FLNC: variants seen among roughly 807,000 people sequenced by gnomAD.
The protein encoded by FLNC is filamin-C.
FLNC carries 91 observed loss-of-function variants against 254.3 expected under a neutral mutation model. That is an observed-to-expected ratio of 0.36 (90% CI 0.30 to 0.43). The LOEUF is 0.43. Among genes scored for constraint, FLNC ranks in the 20% least tolerant of loss-of-function variants. The pLI is 1.00. For missense variants in FLNC, 2,853 were observed against 3,802.6 expected (o/e 0.75, Z 6.57); for synonymous variants, 1,430 against 1,577.2 (o/e 0.91, Z 2.21).
chr7:128,851,700 CCAG>C, intron 35 of FLNC, 72 bp downstream of exon 35: 3 of 1,516,676 alleles, frequency 2.0e-6, no homozygotes, highest in Non-Finnish European at 2.7e-6. Context: ...ATGTGCAAGC[CCAG>C]CCCGTTCAAG....
intron 33 of FLNC, 127 bp downstream of exon 33, chr7:128,851,070 C>T: frequency 1.3e-6 from 2 of 1,516,486 alleles, no homozygotes; most frequent in Non-Finnish European, 1.8e-6. Flanking sequence ...GGCGAGGCCC[C>T]AGGGAGGCTT....
chr7:128,836,977 C>G lies in FLNC; in HGVS notation c.602-183C>G, dbSNP rs1380437821. Among the ~76,000 whole-genome samples the G allele has an allele frequency of 6.6e-6, 1 of 152,238 alleles. No individual in the cohort carries two copies. The highest frequency in any genetic ancestry group is 2.4e-5 in the African/African-American group (1 of 41,456). Reference sequence around the variant, plus strand: ...ATTGTTGGTGGTGGAGAGGGCTGTCCTGCTCCTACGTGGTGAGGGGCCTCG... The same window carrying G: ...ATTGTTGGTGGTGGAGAGGGCTGTCGTGCTCCTACGTGGTGAGGGGCCTCG... On this transcript the variant is annotated intron_variant, in intron 2 of 47. Transcript: ENST00000325888. The surrounding 1 kb of genome is among the most constrained non-coding windows in gnomAD (Gnocchi z 6.0).
At position 128,830,833 on chromosome 7, in the gene FLNC, G is replaced by T. The variant is rs1373245749; in HGVS notation, c.196G>T (p.Asp66Tyr). Residue 66 changes from aspartate (D) to tyrosine (Y), a missense_variant, in exon 1 of 48, where the codon GAC becomes TAC. Transcript: ENST00000325888. ...RLTDLQRDLS[D>Y]GLRLIALLEV... ...GACCGACCTGCAGCGCGACCTCAGC[G>T]ACGGGCTCCGGCTCATCGCGCTGCT... The T allele has an allele frequency of 6.2e-7, 1 of 1,612,976 alleles. No individual in the cohort carries two copies. Among genetic ancestry groups the T allele is most frequent in the Non-Finnish European group, 8.5e-7 (1 of 1,179,956 alleles).
rs1374458008 is a variant in FLNC at position 128,830,878 on chromosome 7, C to T, written c.241C>T (p.Arg81Cys). The T allele has an allele frequency of 2.5e-6, 4 of 1,613,154 alleles. No homozygotes were observed. Among genetic ancestry groups the T allele is most frequent in the Non-Finnish European group, 3.4e-6 (4 of 1,179,960 alleles). Residue 81 changes from arginine (R) to cysteine (C), a missense_variant, in exon 1 of 48, where the codon CGC becomes TGC. This residue lies in a region of FLNC where 59 missense variants were observed against 59.8 expected (regional missense o/e 0.99). Coordinates refer to ENST00000325888, the MANE Select transcript of FLNC (RefSeq NM_001458.5). ...IALLEVLSQK[R>C]MYRKFHPRPN... ...GCTGCTCGAGGTGCTCAGCCAGAAG[C>T]GCATGTACCGCAAGTTCCATCCGCG... is the stretch of plus-strand genomic sequence containing the variant.
intron 1 of FLNC, among the ~76,000 whole-genome samples, chr7:128,834,812 G>A (rs1808033838): frequency 6.6e-6 from 1 of 151,856 alleles, no homozygotes; most frequent in South Asian, 2.1e-4. Flanking sequence ...CAGGAGGGAG[G>A]GCTCACAAAG....
intron 6 of FLNC, 62 bp downstream of exon 6, chr7:128,838,126 G>A: frequency 1.3e-6 from 2 of 1,519,190 alleles, no homozygotes; most frequent in Non-Finnish European, 1.8e-6. Flanking sequence ...CGGCTGCATG[G>A]ACCCCTCTCT....
chr7:128,848,393 C>A (rs927448691), intron 26 of FLNC, among the ~76,000 whole-genome samples, 168 bp from the exon 27 acceptor site: 7 of 152,124 alleles, frequency 4.6e-5, no homozygotes, highest in African/African-American at 1.7e-4. Context: ...GTGCCCCCAC[C>A]CCCAGACATG....
intron 37 of FLNC, 77 bp downstream of exon 37, chr7:128,853,108 C>T: frequency 7.2e-7 from 1 of 1,391,970 alleles, no homozygotes; most frequent in Non-Finnish European, 1.0e-6. Context: ...CCCAGCACCC[C>T]CTTGGCCGCA....
rs753945728 is a variant in FLNC, at chr7:128,849,379, C to T, written c.5000C>T (p.Thr1667Met). Residue 1667 changes from threonine to methionine, a missense_variant, in exon 30 of 48, where the codon ACG becomes ATG. Transcript: ENST00000325888. ...CAGATTGGGCAGGAGACGGTGATCACGGTGGATGCCAAGGCAGCCGGTGAG... is the reference window on the plus strand; with the variant it reads ...CAGATTGGGCAGGAGACGGTGATCATGGTGGATGCCAAGGCAGCCGGTGAG... Reference protein sequence around the residue: ...RIQIGQETVITVDAKAAGEGK... With the variant: ...RIQIGQETVIMVDAKAAGEGK... 22 of 1,613,996 alleles carry T rather than the reference C, an allele frequency of 1.4e-5. No individual in the cohort carries two copies. The highest frequency in any genetic ancestry group is 4.4e-5 in the South Asian group (4 of 91,094).
rs754646406 is a variant in FLNC at position 128,849,512 on chromosome 7, G to A, written c.5133G>A (p.Pro1711=). Residue 1711 remains proline (P), a synonymous_variant, in exon 30 of 48, where the codon CCG becomes CCA. Transcript: ENST00000325888. ...TFDIYYTAPE[P]GKYVITIRFG... ...ACATCTACTACACAGCGCCCGAGCC[G>A]GGCAAGTACGTCATCACCATCCGCT... 7 of 1,614,208 alleles carry A rather than the reference G, an allele frequency of 4.3e-6. No homozygotes were observed. The highest frequency in any genetic ancestry group is 3.3e-5 in the South Asian group (3 of 91,092).
At chr7:128,846,697 CCTCA>C (rs746654714) in intron 23 of FLNC, 44 bp from the exon 24 acceptor site, 15 of 1,589,078 alleles carry the variant, frequency 9.4e-6, no homozygotes, top group Admixed American at 3.3e-5. Context: ...ACTCCCTCAT[CCTCA>C]CTCACTGGTC....
chr7:128,852,667 T>C lies in FLNC; in HGVS notation c.5919T>C (p.Asp1973=), dbSNP rs767053963. 2 of 1,613,194 alleles carry C rather than the reference T, an allele frequency of 1.2e-6. No homozygotes were observed. Among genetic ancestry groups the C allele is most frequent in the Non-Finnish European group, 1.7e-6 (2 of 1,179,982 alleles). Residue 1973 remains aspartate, a synonymous_variant, in exon 36 of 48, where the codon GAT becomes GAC. Coordinates refer to ENST00000325888, the MANE Select transcript of FLNC (RefSeq NM_001458.5). ...TGTCACTGAAGATCACCGAGAGTGA[T>C]CTGAGCCAGCTGACCGCCAGCATCC... is the stretch of plus-strand genomic sequence containing the variant. ...TDVSLKITES[D]LSQLTASIRA...
chr7:128,847,998 C>T lies in FLNC; in HGVS notation c.4510C>T (p.His1504Tyr), dbSNP rs768316465. 3.1e-6 allele frequency: 5 copies of T among 1,608,890 alleles called. No homozygotes were observed. In the South Asian group the frequency reaches 5.5e-5, roughly 18 times the overall value. ...RDNGDGTHTV[H>Y]YTPATDGPYT... ...CAATGGAGATGGCACCCACACTGTCCACTACACCCCAGCCACTGACGGGCC... is the reference window on the plus strand; with the variant it reads ...CAATGGAGATGGCACCCACACTGTCTACTACACCCCAGCCACTGACGGGCC... Residue 1504 changes from histidine to tyrosine, a missense_variant, in exon 26 of 48, where the codon CAC (histidine) becomes TAC (tyrosine). By Grantham distance (83) the His-to-Tyr change is moderately conservative. This residue lies in a region of FLNC where 1,573 missense variants were observed against 1,883.5 expected (regional missense o/e 0.84). Transcript: ENST00000325888.
chr7:128,839,963 T>G (rs1585154973), intron 8 of FLNC, 60 bp from the exon 9 acceptor site: 4 of 1,595,362 alleles, frequency 2.5e-6, no homozygotes, highest in Non-Finnish European at 3.4e-6. Flanking sequence ...CACAGGGAGG[T>G]GGGGGCTAGT....
intron 26 of FLNC, 134 bp downstream of exon 26, chr7:128,848,202 C>T (rs563585591): frequency 4.4e-6 from 5 of 1,143,692 alleles, no homozygotes; most frequent in Non-Finnish European, 6.4e-6. Context: ...TCTCGCCACC[C>T]CATCCCGCTC....
chr7:128,851,638 G>A lies in FLNC; in HGVS notation c.5842+10G>A. ...ACAGCCAAGATCACAGGTGAGGCGG[G>A]TGTATGGGCATGTACAGCCCATGAG... On this transcript the variant is annotated intron_variant, in intron 35 of 47. Coordinates refer to ENST00000325888, the MANE Select transcript of FLNC (RefSeq NM_001458.5). 4 of 1,613,520 alleles carry A rather than the reference G, an allele frequency of 2.5e-6. No individual in the cohort carries two copies. Among genetic ancestry groups the A allele is most frequent in the Non-Finnish European group, 3.4e-6 (4 of 1,179,900 alleles).
chr7:128,850,482 A>C lies in FLNC; in HGVS notation c.5397A>C (p.Thr1799=), dbSNP rs781322314. 18 of 1,611,066 alleles carry C rather than the reference A, an allele frequency of 1.1e-5. No individual in the cohort carries two copies. The African/African-American group carries it at 2.3e-4, about 20-fold the overall frequency. ...IPFAVQKGEL[T]GEVRMPSGKT... Reference sequence around the variant, plus strand: ...TCGCGGTGCAGAAAGGGGAGCTCACAGGTACTGCCCTGTGGCTCCCAGGCA... The same window carrying C: ...TCGCGGTGCAGAAAGGGGAGCTCACCGGTACTGCCCTGTGGCTCCCAGGCA... The change falls in exon 32 of 48, where the codon ACA becomes ACC. Residue 1799 remains threonine, a splice_region_variant and synonymous_variant. Transcript: ENST00000325888.
intron 24 of FLNC, 46 bp from the exon 25 acceptor site, chr7:128,847,651 A>G: frequency 6.2e-7 from 1 of 1,607,016 alleles, no homozygotes; most frequent in Non-Finnish European, 8.5e-7. Flanking sequence ...CATCAGGGGG[A>G]CCCATCAGGG....
chr7:128,838,598 G>C lies in FLNC; in HGVS notation c.1211-5G>C. The C allele has an allele frequency of 6.2e-7, 1 of 1,612,844 alleles. No homozygotes were observed. The highest frequency in any genetic ancestry group is 8.5e-7 in the Non-Finnish European group (1 of 1,179,984). On this transcript the variant is annotated splice_region_variant and splice_polypyrimidine_tract_variant and intron_variant, in intron 7 of 47. Coordinates refer to ENST00000325888, the MANE Select transcript of FLNC (RefSeq NM_001458.5). ...AGTGGTGCTGACAGCCTCTGTTTTCGGCAGGGGCCGGCACTGGCGATGTTG... is the reference window on the plus strand; with the variant it reads ...AGTGGTGCTGACAGCCTCTGTTTTCCGCAGGGGCCGGCACTGGCGATGTTG...
Sources: gnomAD v4.1 joint callset for allele counts (sites outside exome capture counted in the v4.1 genomes callset) on GRCh38, gnomAD v4.1.1 for gene constraint, gnomAD v4.1.1 regional missense constraint, Gnocchi (gnomAD v3.1) non-coding constraint, MANE v1.5 for transcripts, NCBI Gene and HGNC (gene_info 2026-07-23, HGNC 2026-07-21) for gene names.